SIPA1L3: variants seen among roughly 807,000 people sequenced by gnomAD.
SIPA1L3 encodes the protein signal-induced proliferation-associated 1-like protein 3.
Under a neutral mutation model 150.1 loss-of-function variants are expected in SIPA1L3, and 59 were observed. The observed-to-expected ratio is 0.39, with a 90% CI of 0.32 to 0.49. The LOEUF (loss-of-function observed/expected upper bound fraction) is 0.49, where lower values mean the gene tolerates loss of function less well. Among genes scored for constraint, SIPA1L3 ranks in the 20% least tolerant of loss-of-function variants. SIPA1L3 has a pLI of 0.86. For missense variants in SIPA1L3, 2,211 were observed against 2,489.5 expected (o/e 0.89, Z 2.38); for synonymous variants, 1,070 against 1,077.6 (o/e 0.99, Z 0.14).
chr19:38,032,705 T>A (rs190850412), intron 2 of SIPA1L3, among the ~76,000 whole-genome samples: 1 of 152,054 alleles, frequency 6.6e-6, no homozygotes, highest in African/African-American at 2.4e-5. Context: ...TACAAAAAAA[T>A]TAGCCAACCG....
At chr19:37,974,831 T>C (rs1967037632) in intron 1 of SIPA1L3, among the ~76,000 whole-genome samples, 1 of 152,142 alleles carries the variant, frequency 6.6e-6, no homozygotes, top group African/African-American at 2.4e-5. Flanking sequence ...TCCCCATTAT[T>C]CTAGGCCAGC....
chr19:38,162,402 G>A, intron 14 of SIPA1L3, 31 bp downstream of exon 14: 1 of 1,560,838 alleles, frequency 6.4e-7, no homozygotes, highest in Non-Finnish European at 8.8e-7. Flanking sequence ...GCCCTACCGG[G>A]GGAGCCAGGC....
intron 12 of SIPA1L3, among the ~76,000 whole-genome samples, chr19:38,150,152 AAG>A (rs1971785404): frequency 6.6e-6 from 1 of 152,184 alleles, no homozygotes; most frequent in Admixed American, 6.5e-5. Context: ...TGAGAAAAGT[AAG>A]AATTCACGTT....
chr19:38,177,333 C>G (rs1225124011), intron 15 of SIPA1L3, among the ~76,000 whole-genome samples: 1 of 149,248 alleles, frequency 6.7e-6, no homozygotes, highest in Non-Finnish European at 1.5e-5. Flanking sequence ...TGCACTCCAG[C>G]CTGGGTGACA....
intron 12 of SIPA1L3, among the ~76,000 whole-genome samples, chr19:38,142,924 TGCA>T (rs1282457038): frequency 3.9e-5 from 6 of 152,168 alleles, no homozygotes; most frequent in Non-Finnish European, 8.8e-5. Flanking sequence ...TGGCTTTCCT[TGCA>T]GCAGAATTTT....
intron 20 of SIPA1L3, among the ~76,000 whole-genome samples, chr19:38,203,025 C>T (rs1973123368): frequency 6.6e-6 from 1 of 152,246 alleles, no homozygotes; most frequent in Non-Finnish European, 1.5e-5. Context: ...CACTCGTCTG[C>T]ACACCTCACG....
intron 2 of SIPA1L3, among the ~76,000 whole-genome samples, chr19:38,049,430 G>A (rs1259348398): frequency 6.6e-6 from 1 of 152,212 alleles, no homozygotes; most frequent in Non-Finnish European, 1.5e-5. Flanking sequence ...TGTGTCCAGT[G>A]TATGGCGTCT....
intron 1 of SIPA1L3, among the ~76,000 whole-genome samples, chr19:38,006,511 A>T (rs1967941982): frequency 6.6e-6 from 1 of 152,202 alleles, no homozygotes; most frequent in Admixed American, 6.5e-5. Flanking sequence ...CATGGGCAGC[A>T]TCTGTAGAAA....
intron 2 of SIPA1L3, among the ~76,000 whole-genome samples, chr19:38,080,276 G>A (rs192157614): frequency 6.6e-6 from 1 of 152,148 alleles, no homozygotes; most frequent in African/African-American, 2.4e-5. Context: ...AGAGCAGGTG[G>A]ACAATAGTCT....
At chr19:38,064,905 A>G (rs1969537717) in intron 2 of SIPA1L3, among the ~76,000 whole-genome samples, 1 of 152,206 alleles carries the variant, frequency 6.6e-6, no homozygotes, top group South Asian at 2.1e-4. Flanking sequence ...GGAGCTGGGA[A>G]TTGAACCAAG....
intron 4 of SIPA1L3, among the ~76,000 whole-genome samples, chr19:38,099,154 G>A (rs1268989161): frequency 6.6e-6 from 1 of 152,100 alleles, no homozygotes; most frequent in African/African-American, 2.4e-5. Flanking sequence ...TTCTGCCTCA[G>A]CCTCCCAAGT....
chr19:38,193,661 C>T lies in SIPA1L3; in HGVS notation c.4721C>T (p.Thr1574Ile). Reference sequence around the variant, plus strand: ...GGGCTGCCCAGCGACGTGCTCTTCACCAGCACCTGCGCCTTCCCGTCCAGC... The same window carrying T: ...GGGCTGCCCAGCGACGTGCTCTTCATCAGCACCTGCGCCTTCCCGTCCAGC... ...EPGLPSDVLF[T>I]STCAFPSSTL... The change falls in exon 18 of 22, where the codon ACC (threonine) becomes ATC (isoleucine). Residue 1574 changes from threonine to isoleucine, a missense_variant. Physicochemically the swap from Thr to Ile is moderately conservative, Grantham distance 89. This residue lies in a region of SIPA1L3 where 806 missense variants were observed against 870.1 expected (regional missense o/e 0.93). Transcript: ENST00000222345. 6.3e-7 allele frequency: 1 copy of T among 1,581,474 alleles called. No homozygotes were observed.
At chr19:38,205,007 G>A (rs932073429) in intron 21 of SIPA1L3, among the ~76,000 whole-genome samples, 5 of 152,150 alleles carry the variant, frequency 3.3e-5, no homozygotes, top group African/African-American at 1.2e-4. Flanking sequence ...TTACTAACAC[G>A]CAAAAGAAGT....
chr19:37,947,674 C>T (rs1269124095), intron 1 of SIPA1L3, among the ~76,000 whole-genome samples: 1 of 152,162 alleles, frequency 6.6e-6, no homozygotes, highest in Non-Finnish European at 1.5e-5. Context: ...TGATAATATT[C>T]CCATTCACAG....
At chr19:38,053,372 G>A (rs144435309) in intron 2 of SIPA1L3, among the ~76,000 whole-genome samples, 352 of 152,314 alleles carry the variant, frequency 2.3e-3, no homozygotes, top group African/African-American at 8.2e-3. Context: ...GGTAGGTATG[G>A]ACTGTTAACC....
chr19:38,154,574 A>G (rs1457343095), intron 13 of SIPA1L3, among the ~76,000 whole-genome samples: 1 of 152,008 alleles, frequency 6.6e-6, no homozygotes, highest in Non-Finnish European at 1.5e-5. Flanking sequence ...CAGCCTCTCA[A>G]GTAGCTGAGA....
intron 2 of SIPA1L3, among the ~76,000 whole-genome samples, chr19:38,041,437 C>A (rs1282898791): frequency 6.6e-6 from 1 of 151,930 alleles, no homozygotes; most frequent in Non-Finnish European, 1.5e-5. Context: ...CGCTACCATG[C>A]CCAGCTAATT....
At chr19:38,134,471 G>A (rs1343300009) in intron 10 of SIPA1L3, among the ~76,000 whole-genome samples, 1 of 147,450 alleles carries the variant, frequency 6.8e-6, no homozygotes, top group African/African-American at 2.5e-5. Context: ...CACTTTCGGA[G>A]GCCAAGGCGG....
chr19:37,916,178 C>T (rs566135270), intron 1 of SIPA1L3, among the ~76,000 whole-genome samples: 11 of 151,966 alleles, frequency 7.2e-5, no homozygotes, highest in Admixed American at 2.6e-4. Flanking sequence ...AGGCGCCCAC[C>T]ACCACACCCG....
Sources: gnomAD v4.1 joint callset for allele counts (sites outside exome capture counted in the v4.1 genomes callset) on GRCh38, gnomAD v4.1.1 for gene constraint, gnomAD v4.1.1 regional missense constraint, MANE v1.5 for transcripts, NCBI Gene and HGNC (gene_info 2026-07-23, HGNC 2026-07-21) for gene names.